The following ASPSCR1 variants were observed in gnomAD, a reference collection of about 807,000 sequenced individuals.
The protein encoded by ASPSCR1 is tether containing UBX domain for GLUT4.
Under a neutral mutation model 68.9 loss-of-function variants are expected in ASPSCR1, and 55 were observed. That is an observed-to-expected ratio of 0.80 (90% CI 0.64 to 1.00). ASPSCR1 has a LOEUF of 1.00. Among genes scored for constraint, ASPSCR1 ranks in the 50% least tolerant of loss-of-function variants. ASPSCR1 has a pLI of 0.00. For missense variants in ASPSCR1, 765 were observed against 762.2 expected, an observed-to-expected ratio of 1.00 and a Z score of -0.04; for synonymous variants, 352 against 332.6, an observed-to-expected ratio of 1.06 and a Z score of -0.63.
At chr17:81,981,177 C>G (rs925270149) in intron 2 of ASPSCR1, among the ~76,000 whole-genome samples, 2 of 152,068 alleles carry the variant, frequency 1.3e-5, no homozygotes, top group African/African-American at 4.8e-5. Context: ...GGGAGGTTGG[C>G]TGATGTCAGA....
At position 81,986,653 on chromosome 17, in the gene ASPSCR1, G is replaced by A. The variant is rs184354145; in HGVS notation, c.374+1046G>A. On this transcript the variant is annotated intron_variant, in intron 4 of 15. Coordinates refer to ENST00000306739, the MANE Select transcript of ASPSCR1 (RefSeq NM_024083.4). The surrounding 1 kb of genome is among the most constrained non-coding windows in gnomAD (Gnocchi z 5.2). ...GGGTTCTCGCCCTCCCCGGGCCTCA[G>A]TTTCCTCACCTGTGCCCCGGCTGGT... Among the ~76,000 whole-genome samples, 203 of 152,322 alleles carry A rather than the reference G, an allele frequency of 1.3e-3. No homozygotes were observed. Among genetic ancestry groups the A allele is most frequent in the Middle Eastern group, 3.4e-3 (1 of 294 alleles).
rs2042006120 is a variant in ASPSCR1, at chr17:81,986,775, C to CGCTGGGAGGGTGACTGT, written c.374+1170_374+1171insTGGGAGGGTGACTGTGC. Among the ~76,000 whole-genome samples, 1 of 152,200 alleles carries CGCTGGGAGGGTGACTGT rather than the reference C, an allele frequency of 6.6e-6. No individual in the cohort carries two copies. The highest frequency in any genetic ancestry group is 6.5e-5 in the Admixed American group (1 of 15,282). ...GCTGGGAAGGTGACTGTGCGTTGGG[C>CGCTGGGAGGGTGACTGT]GCGCTTGGTGGCCCCAGGGCTGGGC... On this transcript the variant is annotated intron_variant, in intron 4 of 15. Coordinates refer to ENST00000306739, the MANE Select transcript of ASPSCR1 (RefSeq NM_024083.4). This position sits in a 1 kb window ranked among gnomAD's most constrained non-coding sequence, Gnocchi z 5.2.
chr17:82,005,513 C>A (rs2042683825), intron 7 of ASPSCR1: 1 of 152,166 alleles, frequency 6.6e-6, no homozygotes, highest in Non-Finnish European at 1.5e-5. Context: ...CAGCAGCTTC[C>A]TGAGGCGTGG....
intron 15 of ASPSCR1, 65 bp from the exon 16 acceptor site, chr17:82,017,244 G>GT (rs1271014287): frequency 6.2e-7 from 1 of 1,604,174 alleles, no homozygotes; most frequent in African/African-American, 1.3e-5. Flanking sequence ...AGCCGGGCTG[G>GT]TGGGCGGGTG....
At position 82,015,675 on chromosome 17, in the gene ASPSCR1, G is replaced by A. The variant is rs971223018; in HGVS notation, c.1354-801G>A. The A allele has an allele frequency of 7.2e-5, 28 of 387,776 alleles. 1 individual carries two copies. Among genetic ancestry groups the A allele is most frequent in the South Asian group, 1.7e-4 (5 of 30,230 alleles). 24.0% of individuals were successfully genotyped at this position (387,776 alleles called of 1,614,324 possible). A position where few individuals can be genotyped will look rare whatever the true frequency, so the allele number is the denominator to read the frequency against. On this transcript the variant is annotated intron_variant, in intron 12 of 15. Coordinates refer to ENST00000306739, the MANE Select transcript of ASPSCR1 (RefSeq NM_024083.4). ...GTCCCCTGGGCTTCTGTGAGCAGCC[G>A]CAGCCTGGGTGTGAATCTTGGAGGC...
At chr17:82,012,325 C>T (rs752452776) in intron 12 of ASPSCR1, 42 bp downstream of exon 12, 1 of 1,590,202 alleles carries the variant, frequency 6.3e-7, no homozygotes, top group East Asian at 2.2e-5. Context: ...GCGGGGCCCT[C>T]CAGGGAGGGC....
rs1365657105 is a variant in ASPSCR1, at chr17:81,990,055, G to A, written c.374+4448G>A. ...CTCCCAAAGTGCTGAGATTACAGGCGTGAGCCACCACACCTGGCCAATCAC... is the reference window on the plus strand; with the variant it reads ...CTCCCAAAGTGCTGAGATTACAGGCATGAGCCACCACACCTGGCCAATCAC... On this transcript the variant is annotated intron_variant, in intron 4 of 15. Transcript: ENST00000306739. The surrounding 1 kb of genome is among the most constrained non-coding windows in gnomAD (Gnocchi z 4.1). Among the ~76,000 whole-genome samples the A allele has an allele frequency of 2.0e-5, 3 of 152,302 alleles. No homozygotes were observed. The East Asian group carries it at 5.8e-4, about 29-fold the overall frequency.
chr17:81,996,085 G>C lies in ASPSCR1; in HGVS notation c.506+20G>C. ...CATCAGGTAAGGGCAGTGCTGCTGG[G>C]GCCGAGGAGTCTATTTAGCTAAAAA... On this transcript the variant is annotated intron_variant, in intron 6 of 15. Transcript: ENST00000306739. 1 of 1,582,426 alleles carries C rather than the reference G, an allele frequency of 6.3e-7. No homozygotes were observed. Among genetic ancestry groups the C allele is most frequent in the Non-Finnish European group, 8.6e-7 (1 of 1,168,096 alleles).
At chr17:82,010,299 G>A (rs2144090565) in intron 9 of ASPSCR1, among the ~76,000 whole-genome samples, 1 of 151,224 alleles carries the variant, frequency 6.6e-6, no homozygotes, top group South Asian at 2.1e-4. Flanking sequence ...GGAGGCCAAG[G>A]TGGGCGGATC....
chr17:81,977,836 C>A lies in ASPSCR1; in HGVS notation c.102+88C>A, dbSNP rs2041654302. ...CCATTGCGGTCGGCGTCCCGGTGTT[C>A]GGGGGCGGGGCCTCGGCGGCCAATG... On this transcript the variant is annotated intron_variant, in intron 1 of 15. Coordinates refer to ENST00000306739, the MANE Select transcript of ASPSCR1 (RefSeq NM_024083.4). This position sits in a 1 kb window ranked among gnomAD's most constrained non-coding sequence, Gnocchi z 5.0. 1 of 1,017,434 alleles carries A rather than the reference C, an allele frequency of 9.8e-7. No homozygotes were observed. Among genetic ancestry groups the A allele is most frequent in the Non-Finnish European group, 1.2e-6 (1 of 805,760 alleles). The allele number at this position is 1,017,434 out of a possible 1,614,324, so 63.0% of individuals were successfully genotyped here.
Position 81,979,257 on chromosome 17 carries a change from C to T in ASPSCR1, c.158+18C>T. 1 of 1,612,536 alleles carries T rather than the reference C, an allele frequency of 6.2e-7. No homozygotes were observed. Among genetic ancestry groups the T allele is most frequent in the Non-Finnish European group, 8.5e-7 (1 of 1,178,668 alleles). ...GATCTGAAGTGAGTTTGCTCCAGCT[C>T]AGCAGCAGGGTCTGAGTATATCTGT... On this transcript the variant is annotated intron_variant, in intron 2 of 15. Coordinates refer to ENST00000306739, the MANE Select transcript of ASPSCR1 (RefSeq NM_024083.4).
At chr17:82,013,023 C>T (rs2043002231) in intron 12 of ASPSCR1, 1 of 152,206 alleles carries the variant, frequency 6.6e-6, no homozygotes, top group African/African-American at 2.4e-5. Flanking sequence ...TAAGTGGCCA[C>T]AGGCCTCTAC....
Position 81,985,572 on chromosome 17 carries a change from C to A in ASPSCR1, c.339C>A (p.Thr113=), listed in dbSNP as rs761437153. ...RLQDSFCSGQ[T]LWELLSHFPQ... ...AGGACTCTTTCTGTTCAGGCCAGAC[C>A]CTCTGGGAGCTTCTCAGCCATTTTC... Residue 113 remains threonine (T), a synonymous_variant, in exon 4 of 16, where the codon ACC becomes ACA. Coordinates refer to ENST00000306739, the MANE Select transcript of ASPSCR1 (RefSeq NM_024083.4). 3.7e-6 allele frequency: 6 copies of A among 1,614,022 alleles called. No homozygotes were observed. Among genetic ancestry groups the A allele is most frequent in the Non-Finnish European group, 5.1e-6 (6 of 1,180,020 alleles).
At chr17:82,007,604 G>A (rs893480417) in intron 7 of ASPSCR1, 8 of 152,246 alleles carry the variant, frequency 5.3e-5, no homozygotes, top group East Asian at 1.9e-4. Context: ...GGCTCAGTAC[G>A]AGCCCATCAG....
intron 2 of ASPSCR1, chr17:81,982,498 G>A (rs74002714): frequency 0.059 from 8,939 of 152,320 alleles, 418 homozygotes; most frequent in South Asian, 0.14. Context: ...GCCTGCCCTC[G>A]GGATCCCCCG....
intron 4 of ASPSCR1, among the ~76,000 whole-genome samples, chr17:81,994,429 C>T (rs776709237): frequency 5.3e-5 from 8 of 152,232 alleles, no homozygotes; most frequent in Non-Finnish European, 1.2e-4. Flanking sequence ...GACGTCGGTA[C>T]CCTGACTCTC....
intron 12 of ASPSCR1, chr17:82,014,770 T>G: frequency 2.2e-6 from 1 of 462,624 alleles, no homozygotes. Flanking sequence ...GGGCCTCCTT[T>G]CGGAAGCTCT....
In ASPSCR1 at chr17:82,009,224, C is replaced by T. The variant is rs187437797; in HGVS notation, c.1088+33C>T. 7.4e-4 allele frequency: 1,160 copies of T among 1,568,210 alleles called. 10 individuals are homozygous for T. The highest frequency in any genetic ancestry group is 1.9e-4 in the Non-Finnish European group (217 of 1,153,590). On this transcript the variant is annotated intron_variant, in intron 8 of 15. Transcript: ENST00000306739. ...CCCCCTCAGTGCCTCCCGGCATCTT[C>T]GCGCCAGGGTTTGCCCCATCGGGTG...
At chr17:82,009,591 G>A (rs376082275) in intron 9 of ASPSCR1, 24 bp downstream of exon 9, 8 of 1,559,216 alleles carry the variant, frequency 5.1e-6, no homozygotes, top group African/African-American at 1.4e-5. Flanking sequence ...ATGTGGGGGC[G>A]ACTGAGGCAC....
Sources: gnomAD v4.1 joint callset for allele counts (sites outside exome capture counted in the v4.1 genomes callset) on GRCh38, gnomAD v4.1.1 for gene constraint, Gnocchi (gnomAD v3.1) non-coding constraint, MANE v1.5 for transcripts, NCBI Gene and HGNC (gene_info 2026-07-23, HGNC 2026-07-21) for gene names.